The following LINC00237 variants were observed in gnomAD, a reference collection of about 807,000 sequenced individuals.
LINC00237 encodes long intergenic non-protein coding RNA 237.
At chr20:21,098,612 G>T (rs1278297227) in intron 1 of LINC00237, among the ~76,000 whole-genome samples, 2 of 152,190 alleles carry the variant, frequency 1.3e-5, no homozygotes, top group East Asian at 3.8e-4. Flanking sequence ...CAAAGCTCTA[G>T]CATGTTACTG....
chr20:21,097,123 T>C (rs562611866), intron 1 of LINC00237, among the ~76,000 whole-genome samples: 2 of 152,332 alleles, frequency 1.3e-5, no homozygotes, highest in African/African-American at 2.4e-5. Context: ...CTGAAGAACC[T>C]GAACTTGCTT....
At chr20:21,089,406 G>A in intron 2 of LINC00237, among the ~76,000 whole-genome samples, 1 of 151,762 alleles carries the variant, frequency 6.6e-6, no homozygotes, top group Admixed American at 6.6e-5. Flanking sequence ...ATTGAAAAAG[G>A]CTTGAAATAT....
intron 1 of LINC00237, among the ~76,000 whole-genome samples, chr20:21,105,084 C>A (rs2030980920): frequency 1.3e-5 from 2 of 152,352 alleles, no homozygotes; most frequent in African/African-American, 4.8e-5. Flanking sequence ...ACACCAGGCG[C>A]GCCGTTCTGG....
intron 2 of LINC00237, among the ~76,000 whole-genome samples, chr20:21,088,787 A>G (rs1452534948): frequency 1.3e-5 from 2 of 152,190 alleles, no homozygotes; most frequent in Admixed American, 6.5e-5. Flanking sequence ...CAATGTTAAT[A>G]AAATAGATCT....
intron 1 of LINC00237, among the ~76,000 whole-genome samples, chr20:21,099,516 A>C (rs968754989): frequency 1.3e-5 from 2 of 151,944 alleles, no homozygotes; most frequent in Admixed American, 1.3e-4. Context: ...ACAGCTCCCT[A>C]TCCCCATCCA....
At chr20:21,104,921 T>C (rs2030978704) in intron 1 of LINC00237, among the ~76,000 whole-genome samples, 1 of 152,250 alleles carries the variant, frequency 6.6e-6, no homozygotes, top group Non-Finnish European at 1.5e-5. Flanking sequence ...TGGTTGTTCA[T>C]GATTTTCCCC....
chr20:21,103,930 G>A (rs568358593), intron 1 of LINC00237, among the ~76,000 whole-genome samples: 2 of 152,240 alleles, frequency 1.3e-5, no homozygotes, highest in Non-Finnish European at 2.9e-5. Context: ...CCTGGCATCA[G>A]TCACGCAGCA....
chr20:21,103,980 C>A (rs2030966069), intron 1 of LINC00237, among the ~76,000 whole-genome samples: 1 of 152,070 alleles, frequency 6.6e-6, no homozygotes, highest in Non-Finnish European at 1.5e-5. Context: ...AGTTTGGAGT[C>A]CCTTATCCCA....
At chr20:21,096,712 C>G (rs1299379486) in intron 1 of LINC00237, among the ~76,000 whole-genome samples, 1 of 152,198 alleles carries the variant, frequency 6.6e-6, no homozygotes, top group African/African-American at 2.4e-5. Flanking sequence ...GCTGAAGAGT[C>G]TGGTATTCTG....
intron 1 of LINC00237, among the ~76,000 whole-genome samples, chr20:21,099,013 G>A (rs2030895388): frequency 6.6e-6 from 1 of 152,212 alleles, no homozygotes; most frequent in African/African-American, 2.4e-5. Context: ...AAGAGCAAGG[G>A]GTAAGTGTTT....
intron 1 of LINC00237, among the ~76,000 whole-genome samples, chr20:21,095,522 C>T (rs540699222): frequency 6.6e-6 from 1 of 152,312 alleles, no homozygotes; most frequent in East Asian, 1.9e-4. Context: ...CTGCTTTCCA[C>T]ATGAGAAGGT....
chr20:21,100,010 T>C (rs1336039905), intron 1 of LINC00237, among the ~76,000 whole-genome samples: 2 of 152,236 alleles, frequency 1.3e-5, no homozygotes, highest in African/African-American at 4.8e-5. Flanking sequence ...CTCTTAATTC[T>C]TATGCAAATT....
intron 2 of LINC00237, among the ~76,000 whole-genome samples, chr20:21,091,431 T>C (rs2030791398): frequency 6.6e-6 from 1 of 152,150 alleles, no homozygotes; most frequent in East Asian, 1.9e-4. Context: ...ATTAAAAACT[T>C]AGTAAAGAGA....
intron 3 of LINC00237, among the ~76,000 whole-genome samples, chr20:21,087,151 G>T (rs1261316392): frequency 1.3e-5 from 2 of 151,308 alleles, no homozygotes; most frequent in Admixed American, 1.3e-4. Flanking sequence ...GATAGAGACA[G>T]AAAGAAGTTA....
intron 1 of LINC00237, among the ~76,000 whole-genome samples, chr20:21,096,018 T>C (rs988657117): frequency 6.6e-6 from 1 of 152,216 alleles, no homozygotes; most frequent in Non-Finnish European, 1.5e-5. Context: ...ATAATACACC[T>C]TGATGGTTGC....
chr20:21,104,863 A>G (rs2030977619), intron 1 of LINC00237, among the ~76,000 whole-genome samples: 1 of 152,254 alleles, frequency 6.6e-6, no homozygotes, highest in African/African-American at 2.4e-5. Context: ...GCGTACACAC[A>G]CACTCATATA....
At chr20:21,088,160 T>G (rs1165982203) in intron 2 of LINC00237, 1 of 152,232 alleles carries the variant, frequency 6.6e-6, no homozygotes, top group African/African-American at 2.4e-5. Flanking sequence ...TTCCTCCTCC[T>G]TCCTCCTTCA....
At chr20:21,102,680 A>C (rs1237750646) in intron 1 of LINC00237, among the ~76,000 whole-genome samples, 1 of 147,456 alleles carries the variant, frequency 6.8e-6, no homozygotes, top group African/African-American at 2.5e-5. Flanking sequence ...CCAAGGAGTT[A>C]ATTCCTATTT....
intron 1 of LINC00237, among the ~76,000 whole-genome samples, chr20:21,098,865 C>A (rs772566140): frequency 1.3e-5 from 2 of 152,198 alleles, no homozygotes; most frequent in African/African-American, 4.8e-5. Flanking sequence ...GCAGGTTGCA[C>A]GAATTAGAGC....
Sources: gnomAD v4.1 joint callset for allele counts (sites outside exome capture counted in the v4.1 genomes callset) on GRCh38, gnomAD v4.1.1 for gene constraint, MANE v1.5 for transcripts, NCBI Gene and HGNC (gene_info 2026-07-23, HGNC 2026-07-21) for gene names.